The following RGMA variants were observed in gnomAD, a reference collection of about 807,000 sequenced individuals.
RGMA encodes the protein repulsive guidance molecule BMP co-receptor a.
Under a neutral mutation model 23.2 loss-of-function variants are expected in RGMA, and 10 were observed. The observed-to-expected ratio is 0.43, with a 90% CI of 0.27 to 0.73. The LOEUF is 0.73. RGMA is among the 30% of genes least tolerant of loss of function. The probability of loss-of-function intolerance (pLI) is 0.20; values close to 1 mark genes in which losing one functional copy is unlikely to be tolerated. For missense variants in RGMA, 547 were observed against 630.5 expected, an observed-to-expected ratio of 0.87 and a Z score of 1.42; for synonymous variants, 308 against 279.3, an observed-to-expected ratio of 1.10 and a Z score of -1.03.
Position 93,044,686 on chromosome 15 carries a change from T to G in RGMA, c.*312A>C. The G allele has an allele frequency of 2.4e-6, 1 of 414,528 alleles. No individual in the cohort carries two copies. Among genetic ancestry groups the G allele is most frequent in the East Asian group, 4.3e-5 (1 of 23,482 alleles). The allele number at this position is 414,528 out of a possible 1,614,324, so 25.7% of individuals were successfully genotyped here. ...GCTGACTCTGACGGTTCCCAGTGTG[T>G]CTCTGGTGGGGGTGGGGGGCTTCAG... On this transcript the variant is annotated 3_prime_UTR_variant, in exon 4 of 4. Transcript: ENST00000329082.
chr15:93,065,887 C>G (rs1895128497), intron 2 of RGMA: 7 of 728,626 alleles, frequency 9.6e-6, no homozygotes, highest in Non-Finnish European at 1.7e-5. Context: ...CCCGTCAGTG[C>G]TCTCTGTAGG....
intron 2 of RGMA, among the ~76,000 whole-genome samples, chr15:93,056,769 T>G (rs936219312): frequency 2.0e-5 from 3 of 152,206 alleles, no homozygotes; most frequent in African/African-American, 7.2e-5. Context: ...TTCGGGAACT[T>G]GACTCAGCCT....
chr15:93,088,112 T>C (rs945751830), intron 1 of RGMA, among the ~76,000 whole-genome samples: 1 of 152,168 alleles, frequency 6.6e-6, no homozygotes, highest in Non-Finnish European at 1.5e-5. Flanking sequence ...CACCACATAA[T>C]AGCAGCTCAC....
At chr15:93,074,681 T>G (rs1450828912) in intron 1 of RGMA, among the ~76,000 whole-genome samples, 1 of 152,198 alleles carries the variant, frequency 6.6e-6, no homozygotes, top group African/African-American at 2.4e-5. Flanking sequence ...GTTTTCCCAG[T>G]GAAAGCCCAC....
intron 2 of RGMA, among the ~76,000 whole-genome samples, chr15:93,064,226 C>T (rs1895066941): frequency 6.6e-6 from 1 of 152,214 alleles, no homozygotes; most frequent in Non-Finnish European, 1.5e-5. Flanking sequence ...GGGCTGGACA[C>T]AGGATTCCAC....
chr15:93,056,533 A>G (rs1197115790), intron 2 of RGMA, among the ~76,000 whole-genome samples: 1 of 152,160 alleles, frequency 6.6e-6, no homozygotes, highest in African/African-American at 2.4e-5. Context: ...CCTGCCACTC[A>G]AAGATGGTGG....
At chr15:93,065,482 T>C in intron 2 of RGMA, 2 of 466,346 alleles carry the variant, frequency 4.3e-6, no homozygotes, top group Non-Finnish European at 8.1e-6. Flanking sequence ...TTTGATGCCA[T>C]GAATTATGGG....
intron 1 of RGMA, chr15:93,088,175 G>A (rs539446619): frequency 3.8e-6 from 3 of 791,740 alleles, no homozygotes; most frequent in East Asian, 1.3e-4. Context: ...CTCCGAGCAA[G>A]TCTAATACAA....
In RGMA at chr15:93,035,719, A is replaced by G. The variant is rs1176923098; in HGVS notation, c.*9279T>C. On this transcript the variant is annotated 3_prime_UTR_variant, in exon 4 of 4. Transcript: ENST00000329082. ...GGAGAGATGGGTCAAGGCGGGGATC[A>G]TTGTCAGAACTCAGATTCTAGCCCG... is the stretch of plus-strand genomic sequence containing the variant. 3 of 152,240 alleles carry G rather than the reference A, an allele frequency of 2.0e-5. No individual in the cohort carries two copies. The highest frequency in any genetic ancestry group is 7.2e-5 in the African/African-American group (3 of 41,444). The allele number at this position is 152,240 out of a possible 1,614,324, so 9.4% of individuals were successfully genotyped here. A position where few individuals can be genotyped will look rare whatever the true frequency, so the allele number is the denominator to read the frequency against.
chr15:93,063,558 G>A (rs1397587132), intron 2 of RGMA, among the ~76,000 whole-genome samples: 2 of 152,244 alleles, frequency 1.3e-5, no homozygotes, highest in Non-Finnish European at 2.9e-5. Context: ...AAACATCCAG[G>A]TGTTTGGCAT....
At chr15:93,075,095 CTTT>C (rs35797220) in intron 1 of RGMA, among the ~76,000 whole-genome samples, 1 of 139,392 alleles carries the variant, frequency 7.2e-6, no homozygotes. Context: ...CACAGCAGGA[CTTT>C]TTTTTTTTTT....
intron 3 of RGMA, among the ~76,000 whole-genome samples, chr15:93,051,548 G>A (rs1159168852): frequency 4.0e-5 from 6 of 151,218 alleles, no homozygotes; most frequent in Non-Finnish European, 8.9e-5. Flanking sequence ...GGCTGTGTGT[G>A]TGGCTGCGGC....
chr15:93,065,968 C>T (rs996405424), intron 2 of RGMA: 40 of 998,370 alleles, frequency 4.0e-5, no homozygotes, highest in Middle Eastern at 2.2e-4. Context: ...GGGGCGCCGT[C>T]GTCTGGGCCG....
At chr15:93,075,059 C>T (rs577255167) in intron 1 of RGMA, among the ~76,000 whole-genome samples, 64 of 151,122 alleles carry the variant, frequency 4.2e-4, no homozygotes, top group African/African-American at 1.4e-3. Flanking sequence ...CCTTCTGGGG[C>T]TGCCCTTGCC....
At chr15:93,047,623 A>G (rs376670680) in intron 3 of RGMA, among the ~76,000 whole-genome samples, 1 of 151,104 alleles carries the variant, frequency 6.6e-6, no homozygotes, top group East Asian at 2.0e-4. Flanking sequence ...GCTGGCTGAC[A>G]GAGCTCCCAG....
At chr15:93,060,563 CT>C (rs1208822140) in intron 2 of RGMA, among the ~76,000 whole-genome samples, 2 of 152,216 alleles carry the variant, frequency 1.3e-5, no homozygotes, top group Non-Finnish European at 2.9e-5. Context: ...GCCCTTGGTG[CT>C]CAGCTTGGGA....
In RGMA at chr15:93,053,555, C is replaced by G. The variant is rs73458374; in HGVS notation, c.131-1048G>C. ...TGACCTTGGAAAGGTCAGTTTGTGT[C>G]TCTGGTGCTGGTTTTACCTATAAAA... On this transcript the variant is annotated intron_variant, in intron 2 of 3. Coordinates refer to ENST00000329082, the MANE Select transcript of RGMA (RefSeq NM_020211.3). 7.5e-3 allele frequency among the ~76,000 whole-genome samples: 1,146 copies of G among 152,342 alleles called. 18 individuals are homozygous for G. Among genetic ancestry groups the G allele is most frequent in the African/African-American group, 0.026 (1,080 of 41,580 alleles).
chr15:93,055,097 G>C (rs553437267), intron 2 of RGMA, among the ~76,000 whole-genome samples: 1 of 152,014 alleles, frequency 6.6e-6, no homozygotes, highest in African/African-American at 2.4e-5. Flanking sequence ...CCAGGGGCCC[G>C]GTGTGCTGAC....
At chr15:93,047,148 T>C (rs1326374951) in intron 3 of RGMA, among the ~76,000 whole-genome samples, 4 of 151,860 alleles carry the variant, frequency 2.6e-5, no homozygotes, top group African/African-American at 7.3e-5. Context: ...CACAAGCCCA[T>C]AGGGTGGGAG....
Sources: gnomAD v4.1 joint callset for allele counts (sites outside exome capture counted in the v4.1 genomes callset) on GRCh38, gnomAD v4.1.1 for gene constraint, MANE v1.5 for transcripts, NCBI Gene and HGNC (gene_info 2026-07-23, HGNC 2026-07-21) for gene names.